The following TENM4 variants were observed in gnomAD, a reference collection of about 807,000 sequenced individuals.
TENM4 encodes the protein teneurin-4.
Under a neutral mutation model 243.3 loss-of-function variants are expected in TENM4, and 82 were observed. The observed-to-expected ratio is 0.34, with a 90% CI of 0.28 to 0.40. The LOEUF (loss-of-function observed/expected upper bound fraction) is 0.40, where lower values mean the gene tolerates loss of function less well. Ranked by LOEUF, TENM4 falls within the 10% of genes least tolerant of loss-of-function variation. The pLI is 1.00. For synonymous variants in TENM4, 1,412 were observed against 1,456.3 expected (o/e 0.97, Z 0.69); for missense variants, 3,138 against 3,673.3 (o/e 0.85, Z 3.77).
At chr11:79,098,085 C>A (rs994427873) in intron 4 of TENM4, 3 of 152,162 alleles carry the variant, frequency 2.0e-5, no homozygotes, top group Admixed American at 6.5e-5. Flanking sequence ...TAAGTATAAT[C>A]GTAAAAGTAC....
chr11:79,383,313 C>T (rs548901698), intron 1 of TENM4, among the ~76,000 whole-genome samples: 52 of 152,356 alleles, frequency 3.4e-4, no homozygotes, highest in Non-Finnish European at 6.2e-4. Flanking sequence ...ATACCACTTT[C>T]TCTCCTTGCC....
Position 78,722,982 on chromosome 11 carries a change from C to A in TENM4, c.3551-65G>T, listed in dbSNP as rs187055901. 85 of 1,585,012 alleles carry A rather than the reference C, an allele frequency of 5.4e-5. No individual in the cohort carries two copies. In the Middle Eastern group the frequency reaches 6.8e-4, roughly 13 times the overall value. On this transcript the variant is annotated intron_variant, in intron 23 of 33. Transcript: ENST00000278550. ...AATGGGTATCTTTTCCTGTGGTTGA[C>A]CACAGAGTCACCTGATTTTGCAAGG...
chr11:79,436,372 T>G (rs1348959334), intron 1 of TENM4, among the ~76,000 whole-genome samples: 1 of 152,138 alleles, frequency 6.6e-6, no homozygotes, highest in Non-Finnish European at 1.5e-5. Flanking sequence ...CTGACAGTGT[T>G]GCAAACTAAG....
intron 30 of TENM4, among the ~76,000 whole-genome samples, chr11:78,674,523 T>G (rs1354271445): frequency 6.6e-6 from 1 of 152,174 alleles, no homozygotes; most frequent in Non-Finnish European, 1.5e-5. Flanking sequence ...GTGCGTTGAT[T>G]GTATCATCTT....
Position 78,812,263 on chromosome 11 carries a change from A to G in TENM4, c.1837T>C (p.Leu613=). 6.4e-7 allele frequency: 1 copy of G among 1,552,026 alleles called. No individual in the cohort carries two copies. Among genetic ancestry groups the G allele is most frequent in the South Asian group, 1.2e-5 (1 of 84,072 alleles). ...GNGQYMKGRC[L]CHSGWKGAEC... is the part of the protein sequence containing the mutation. ...GCGCCTTTCCAGCCACTGTGGCACA[A>G]GCATCTGCCTTTCATGTATTGGCCA... The change falls in exon 14 of 34, where the codon TTG becomes CTG. Residue 613 remains leucine, a synonymous_variant. Transcript: ENST00000278550.
intron 8 of TENM4, 85 bp from the exon 9 acceptor site, chr11:78,890,105 A>G: frequency 9.0e-7 from 1 of 1,112,554 alleles, no homozygotes; most frequent in South Asian, 1.6e-5. Context: ...AGGCGGCAGT[A>G]GAAGAAGCAT....
At chr11:79,129,751 G>A (rs1861961789) in intron 4 of TENM4, among the ~76,000 whole-genome samples, 2 of 152,096 alleles carry the variant, frequency 1.3e-5, no homozygotes, top group African/African-American at 4.8e-5. Flanking sequence ...GAGAGTCTGA[G>A]CTCAGACATG....
chr11:79,310,882 C>T (rs893981685), intron 1 of TENM4, among the ~76,000 whole-genome samples: 2 of 152,316 alleles, frequency 1.3e-5, no homozygotes, highest in South Asian at 2.1e-4. Context: ...CCCCCACTCA[C>T]TACAGCAACT....
intron 1 of TENM4, among the ~76,000 whole-genome samples, chr11:79,378,884 T>TAAA (rs34204961): frequency 6.1e-4 from 71 of 116,878 alleles, no homozygotes; most frequent in African/African-American, 1.8e-3. Context: ...CCCTGTCTGT[T>TAAA]AAAAAAAAAA....
At chr11:78,928,128 A>C (rs1258244618) in intron 6 of TENM4, among the ~76,000 whole-genome samples, 2 of 152,058 alleles carry the variant, frequency 1.3e-5, no homozygotes, top group Admixed American at 6.6e-5. Context: ...AGACTACCCC[A>C]GCAAGACCCC....
intron 3 of TENM4, among the ~76,000 whole-genome samples, chr11:79,164,957 A>ATATATGTGTGTGTG (rs1555020448): frequency 3.6e-5 from 5 of 139,862 alleles, no homozygotes; most frequent in African/African-American, 7.9e-5. Context: ...CTATATATAT[A>ATATATGTGTGTGTG]TGTGTGTGTG....
chr11:79,342,585 G>T (rs1857260065), intron 1 of TENM4, among the ~76,000 whole-genome samples: 1 of 152,174 alleles, frequency 6.6e-6, no homozygotes, highest in Non-Finnish European at 1.5e-5. Flanking sequence ...CTAGGCAGGG[G>T]TTCTCAGTCC....
At chr11:79,403,732 G>A (rs932019661) in intron 1 of TENM4, among the ~76,000 whole-genome samples, 3 of 152,012 alleles carry the variant, frequency 2.0e-5, no homozygotes, top group Non-Finnish European at 2.9e-5. Flanking sequence ...GGCACATGAA[G>A]AATCTGAGTC....
At chr11:79,262,633 C>G (rs932613757) in intron 2 of TENM4, among the ~76,000 whole-genome samples, 1 of 152,130 alleles carries the variant, frequency 6.6e-6, no homozygotes, top group Non-Finnish European at 1.5e-5. Flanking sequence ...ACTCTGAAAA[C>G]AATTTAAAAA....
At chr11:78,987,888 C>T (rs1435530271) in intron 6 of TENM4, among the ~76,000 whole-genome samples, 4 of 152,080 alleles carry the variant, frequency 2.6e-5, no homozygotes, top group African/African-American at 9.7e-5. Flanking sequence ...TTCCCCCAGG[C>T]CATTCACCCA....
intron 6 of TENM4, among the ~76,000 whole-genome samples, chr11:78,968,876 CCTGT>C (rs1247113291): frequency 2.0e-5 from 3 of 152,280 alleles, no homozygotes; most frequent in Admixed American, 6.5e-5. Context: ...AAGGGAGAGG[CCTGT>C]CTATCAGGGA....
At chr11:78,744,735 CAT>C (rs1397812361) in intron 19 of TENM4, among the ~76,000 whole-genome samples, 3 of 152,238 alleles carry the variant, frequency 2.0e-5, no homozygotes, top group African/African-American at 7.2e-5. Flanking sequence ...AAATCGCACA[CAT>C]GTGCTACCAT....
At chr11:78,791,219 G>C (rs1792153) in intron 15 of TENM4, among the ~76,000 whole-genome samples, 126,971 of 152,218 alleles carry the variant, frequency 0.83, 53,741 homozygotes, top group Non-Finnish European at 0.88. Flanking sequence ...TTGGCCTCAA[G>C]TCATAGTCCC....
At chr11:79,052,635 CGAGG>C (rs1196770124) in intron 6 of TENM4, among the ~76,000 whole-genome samples, 1 of 152,076 alleles carries the variant, frequency 6.6e-6, no homozygotes, top group East Asian at 1.9e-4. Context: ...GGGGATGTGG[CGAGG>C]GAGGGAGGGA....
Sources: allele counts gnomAD v4.1 joint callset (sites outside exome capture counted in the v4.1 genomes callset), GRCh38; gene constraint gnomAD v4.1.1; transcripts MANE v1.5; gene names NCBI Gene and HGNC (gene_info 2026-07-23, HGNC 2026-07-21).